The following LRFN3 variants were observed in gnomAD, a reference collection of about 807,000 sequenced individuals.
LRFN3 encodes leucine-rich repeat and fibronectin type-III domain-containing protein 3.
Under a neutral mutation model 23.8 loss-of-function variants are expected in LRFN3, and 8 were observed. That is an observed-to-expected ratio of 0.34 (90% CI 0.20 to 0.61). The LOEUF is 0.61. Among genes scored for constraint, LRFN3 ranks in the 20% least tolerant of loss-of-function variants. LRFN3 has a pLI of 0.80. For synonymous variants in LRFN3, 451 were observed against 450.6 expected (o/e 1.00, Z -0.01); for missense variants, 736 against 935.3 (o/e 0.79, Z 2.78).
Position 35,944,424 on chromosome 19 carries a change from T to C in LRFN3, c.1416-124T>C. 5.1e-6 allele frequency: 3 copies of C among 585,246 alleles called. No homozygotes were observed. Among genetic ancestry groups the C allele is most frequent in the South Asian group, 6.3e-5 (2 of 31,574 alleles). The allele number at this position is 585,246 out of a possible 1,614,324, so 36.3% of individuals were successfully genotyped here. A position where few individuals can be genotyped will look rare whatever the true frequency, so the allele number is the denominator to read the frequency against. On this transcript the variant is annotated intron_variant, in intron 2 of 2. Transcript: ENST00000246529. This position sits in a 1 kb window ranked among gnomAD's most constrained non-coding sequence, Gnocchi z 4.5. ...TGGGATGTTGGTGAGAGGGAGCTCATTGGGTAGAATGAAATGAAGGAGTGG... is the reference window on the plus strand; with the variant it reads ...TGGGATGTTGGTGAGAGGGAGCTCACTGGGTAGAATGAAATGAAGGAGTGG...
rs994171128 is a variant in LRFN3 at position 35,940,305 on chromosome 19, G to A, written c.880G>A (p.Glu294Lys). ...WAVGEEEFVCEPPVVTHRSPP... is the reference protein window; with the variant it reads ...WAVGEEEFVCKPPVVTHRSPP... ...GGTGGGCGAGGAGGAGTTTGTCTGC[G>A]AGCCGCCCGTGGTGACTCACCGCTC... Residue 294 changes from glutamate (E) to lysine (K), a missense_variant, in exon 2 of 3, where the codon GAG becomes AAG. Coordinates refer to ENST00000246529, the MANE Select transcript of LRFN3 (RefSeq NM_024509.2). The A allele has an allele frequency of 2.5e-6, 4 of 1,592,550 alleles. No individual in the cohort carries two copies. The highest frequency in any genetic ancestry group is 3.4e-6 in the Non-Finnish European group (4 of 1,173,354).
rs1284345697 is a variant in LRFN3, at chr19:35,936,425, C to G, written c.-1147C>G. ...GTTGCCGGCGAGGAGGCCGCGGGAG[C>G]GCCTGGACCCGGCCCGCCCAGCCCG... On this transcript the variant is annotated 5_prime_UTR_variant, in exon 1 of 3. Coordinates refer to ENST00000246529, the MANE Select transcript of LRFN3 (RefSeq NM_024509.2). Among the ~76,000 whole-genome samples the G allele has an allele frequency of 6.6e-6, 1 of 151,054 alleles. No individual in the cohort carries two copies. The highest frequency in any genetic ancestry group is 1.5e-5 in the Non-Finnish European group (1 of 67,670).
chr19:35,941,307 ATAAATT>A (rs1007268630), intron 2 of LRFN3, among the ~76,000 whole-genome samples: 12 of 152,214 alleles, frequency 7.9e-5, no homozygotes, highest in African/African-American at 2.9e-4. Context: ...GGGGATAAAA[ATAAATT>A]TAAGTTGTAA....
In LRFN3 at chr19:35,946,290, C is replaced by T. The variant is rs1269901805; in HGVS notation, c.*1271C>T. On this transcript the variant is annotated 3_prime_UTR_variant, in exon 3 of 3. Coordinates refer to ENST00000246529, the MANE Select transcript of LRFN3 (RefSeq NM_024509.2). ...ACTGACGCTGCTGGGGTTAAGACGG[C>T]TTCTTGTGGGGGATGATTCCAAGTC... Among the ~76,000 whole-genome samples the T allele has an allele frequency of 6.6e-6, 1 of 151,612 alleles. No homozygotes were observed. The highest frequency in any genetic ancestry group is 1.5e-5 in the Non-Finnish European group (1 of 67,940).
chr19:35,942,616 C>A (rs1020399418), intron 2 of LRFN3, among the ~76,000 whole-genome samples: 1 of 152,160 alleles, frequency 6.6e-6, no homozygotes, highest in Non-Finnish European at 1.5e-5. Context: ...TCCCTTGGGG[C>A]CAACACCTCA....
intron 2 of LRFN3, among the ~76,000 whole-genome samples, chr19:35,941,643 A>G (rs1976122987): frequency 1.3e-5 from 2 of 151,788 alleles, no homozygotes; most frequent in Admixed American, 1.3e-4. Context: ...ATCTCGGCTC[A>G]CTACAACCTC....
rs768565870 is a variant in LRFN3 at position 35,944,624 on chromosome 19, G to A, written c.1492G>A (p.Ala498Thr). 6.4e-6 allele frequency: 10 copies of A among 1,561,198 alleles called. No individual in the cohort carries two copies. Among genetic ancestry groups the A allele is most frequent in the East Asian group, 2.3e-5 (1 of 43,522 alleles). ...SGRTYDLCVL[A>T]VYEDSATGLT... ...CCGGACCTACGATCTGTGCGTGCTC[G>A]CCGTGTATGAGGACAGCGCCACGGG... The change falls in exon 3 of 3, where the codon GCC becomes ACC. Residue 498 changes from alanine to threonine, a missense_variant. Coordinates refer to ENST00000246529, the MANE Select transcript of LRFN3 (RefSeq NM_024509.2). The surrounding 1 kb of genome is among the most constrained non-coding windows in gnomAD (Gnocchi z 4.5).
rs900158869 is a variant in LRFN3 at position 35,944,411 on chromosome 19, G to T, written c.1416-137G>T. 33 of 544,530 alleles carry T rather than the reference G, an allele frequency of 6.1e-5. No individual in the cohort carries two copies. The highest frequency in any genetic ancestry group is 5.4e-4 in the African/African-American group (27 of 50,322). 33.7% of individuals were successfully genotyped at this position (544,530 alleles called of 1,614,324 possible). ...GACCAAAGGGAATTGGGATGTTGGT[G>T]AGAGGGAGCTCATTGGGTAGAATGA... On this transcript the variant is annotated intron_variant, in intron 2 of 2. Coordinates refer to ENST00000246529, the MANE Select transcript of LRFN3 (RefSeq NM_024509.2). This position sits in a 1 kb window ranked among gnomAD's most constrained non-coding sequence, Gnocchi z 4.5.
Position 35,944,998 on chromosome 19 carries a change from C to A in LRFN3, c.1866C>A (p.Gly622=). 7.2e-7 allele frequency: 1 copy of A among 1,394,754 alleles called. No individual in the cohort carries two copies. Among genetic ancestry groups the A allele is most frequent in the Admixed American group, 3.6e-5 (1 of 27,756 alleles). The allele number at this position is 1,394,754 out of a possible 1,614,324, so 86.4% of individuals were successfully genotyped here. A position where few individuals can be genotyped will look rare whatever the true frequency, so the allele number is the denominator to read the frequency against. The change falls in exon 3 of 3, where the codon GGC becomes GGA. Residue 622 remains glycine (G), a synonymous_variant. Transcript: ENST00000246529. The surrounding 1 kb of genome is among the most constrained non-coding windows in gnomAD (Gnocchi z 4.5). ...TGGACTGCGAGCCCTGGGGGCCCGG[C>A]CACGAACCTGTGGGACCCTAGCCAG... ...VQLDCEPWGP[G]HEPVGP
At position 35,936,973 on chromosome 19, in the gene LRFN3, C is replaced by T. The variant is rs1418542167; in HGVS notation, c.-599C>T. The T allele has an allele frequency of 2.0e-5, 3 of 152,274 alleles. No homozygotes were observed. Among genetic ancestry groups the T allele is most frequent in the Non-Finnish European group, 4.4e-5 (3 of 68,120 alleles). The allele number at this position is 152,274 out of a possible 1,614,324, so 9.4% of individuals were successfully genotyped here. A position where few individuals can be genotyped will look rare whatever the true frequency, so the allele number is the denominator to read the frequency against. On this transcript the variant is annotated 5_prime_UTR_variant, in exon 1 of 3. Coordinates refer to ENST00000246529, the MANE Select transcript of LRFN3 (RefSeq NM_024509.2). ...GAACCCCAAGATTTGACATCTAAAACCTCAAGCCTGGAGCTGAACTCTGAA... is the reference window on the plus strand; with the variant it reads ...GAACCCCAAGATTTGACATCTAAAATCTCAAGCCTGGAGCTGAACTCTGAA...
Position 35,939,714 on chromosome 19 carries a change from C to T in LRFN3, c.289C>T (p.His97Tyr). ...GAGCCTGTCGCGGAACACCATCCGCCACGTGGCTGCCGGCGCCTTCGCCGA... is the reference window on the plus strand; with the variant it reads ...GAGCCTGTCGCGGAACACCATCCGCTACGTGGCTGCCGGCGCCTTCGCCGA... ...HLSLSRNTIR[H>Y]VAAGAFADLR... The change falls in exon 2 of 3, where the codon CAC becomes TAC. Residue 97 changes from histidine (H) to tyrosine (Y), a missense_variant. Coordinates refer to ENST00000246529, the MANE Select transcript of LRFN3 (RefSeq NM_024509.2). The surrounding 1 kb of genome is among the most constrained non-coding windows in gnomAD (Gnocchi z 6.4). The T allele has an allele frequency of 6.2e-7, 1 of 1,604,366 alleles. No homozygotes were observed. Among genetic ancestry groups the T allele is most frequent in the Middle Eastern group, 1.7e-4 (1 of 6,050 alleles).
chr19:35,941,139 T>C (rs1243672389), intron 2 of LRFN3, among the ~76,000 whole-genome samples: 1 of 151,664 alleles, frequency 6.6e-6, no homozygotes, highest in Non-Finnish European at 1.5e-5. Context: ...GATCAAGCAA[T>C]AAGGATAAAC....
chr19:35,936,967 C>G lies in LRFN3; in HGVS notation c.-605C>G, dbSNP rs1167485819. 1 of 152,280 alleles carries G rather than the reference C, an allele frequency of 6.6e-6. No individual in the cohort carries two copies. The highest frequency in any genetic ancestry group is 2.4e-5 in the African/African-American group (1 of 41,450). 9.4% of individuals were successfully genotyped at this position (152,280 alleles called of 1,614,324 possible). A position where few individuals can be genotyped will look rare whatever the true frequency, so the allele number is the denominator to read the frequency against. On this transcript the variant is annotated 5_prime_UTR_variant, in exon 1 of 3. The change creates a new upstream start codon in the 5' untranslated region. Coordinates refer to ENST00000246529, the MANE Select transcript of LRFN3 (RefSeq NM_024509.2). Reference sequence around the variant, plus strand: ...GGAGCAGAACCCCAAGATTTGACATCTAAAACCTCAAGCCTGGAGCTGAAC... The same window carrying G: ...GGAGCAGAACCCCAAGATTTGACATGTAAAACCTCAAGCCTGGAGCTGAAC...
Position 35,944,647 on chromosome 19 carries a change from G to C in LRFN3, c.1515G>C (p.Thr505=), listed in dbSNP as rs762922188. The change falls in exon 3 of 3, where the codon ACG becomes ACC. Residue 505 remains threonine, a synonymous_variant. Transcript: ENST00000246529. This position sits in a 1 kb window ranked among gnomAD's most constrained non-coding sequence, Gnocchi z 4.5. The part of the protein sequence containing the change: ...CVLAVYEDSA[T]GLTATRPVGC... ...TCGCCGTGTATGAGGACAGCGCCACGGGGCTCACGGCCACGCGGCCTGTGG... is the reference window on the plus strand; with the variant it reads ...TCGCCGTGTATGAGGACAGCGCCACCGGGCTCACGGCCACGCGGCCTGTGG... 4.5e-5 allele frequency: 72 copies of C among 1,591,980 alleles called. No individual in the cohort carries two copies. Among genetic ancestry groups the C allele is most frequent in the Admixed American group, 3.8e-4 (22 of 57,912 alleles).
Position 35,939,069 on chromosome 19 carries a change from C to T in LRFN3, c.-16-341C>T, listed in dbSNP as rs1319295914. Among the ~76,000 whole-genome samples, 2 of 152,172 alleles carry T rather than the reference C, an allele frequency of 1.3e-5. No homozygotes were observed. The highest frequency in any genetic ancestry group is 4.8e-5 in the African/African-American group (2 of 41,438). On this transcript the variant is annotated intron_variant, in intron 1 of 2. Transcript: ENST00000246529. The surrounding 1 kb of genome is among the most constrained non-coding windows in gnomAD (Gnocchi z 6.4). ...AAATTCTTGGGCTCAAATTGATCCT[C>T]CCACCTCAGTGTCCCATGTAGCTAG...
chr19:35,944,809 A>G lies in LRFN3; in HGVS notation c.1677A>G (p.Leu559=), dbSNP rs1175072828. 3.1e-6 allele frequency: 5 copies of G among 1,610,436 alleles called. No homozygotes were observed. In the Middle Eastern group the frequency reaches 6.6e-4, roughly 213 times the overall value. ...TACTGGTCTTCATCTTCGTGCTGCT[A>G]ATGCGCTACAAGGTGCACGGCGGCC... is the stretch of plus-strand genomic sequence containing the variant. ...ASVLVFIFVL[L]MRYKVHGGQP... The change falls in exon 3 of 3, where the codon CTA becomes CTG. Residue 559 remains leucine, a synonymous_variant. Transcript: ENST00000246529. This position sits in a 1 kb window ranked among gnomAD's most constrained non-coding sequence, Gnocchi z 4.5.
Position 35,939,404 on chromosome 19 carries a change from C to T in LRFN3, c.-16-6C>T. 6.4e-7 allele frequency: 1 copy of T among 1,557,388 alleles called. No individual in the cohort carries two copies. On this transcript the variant is annotated splice_region_variant and splice_polypyrimidine_tract_variant and intron_variant, in intron 1 of 2. Coordinates refer to ENST00000246529, the MANE Select transcript of LRFN3 (RefSeq NM_024509.2). The surrounding 1 kb of genome is among the most constrained non-coding windows in gnomAD (Gnocchi z 6.4). Reference sequence around the variant, plus strand: ...TCTGCCCTCACGCCTCCCCTCTTCTCCGCAGGACACCCCTGCCCGCGATGG... The same window carrying T: ...TCTGCCCTCACGCCTCCCCTCTTCTTCGCAGGACACCCCTGCCCGCGATGG...
Position 35,944,656 on chromosome 19 carries a change from G to A in LRFN3, c.1524G>A (p.Thr508=), listed in dbSNP as rs761353003. ...AVYEDSATGL[T]ATRPVGCARF... ...ATGAGGACAGCGCCACGGGGCTCAC[G>A]GCCACGCGGCCTGTGGGCTGCGCCC... is the stretch of plus-strand genomic sequence containing the variant. Residue 508 remains threonine (T), a synonymous_variant, in exon 3 of 3, where the codon ACG becomes ACA. Transcript: ENST00000246529. The surrounding 1 kb of genome is among the most constrained non-coding windows in gnomAD (Gnocchi z 4.5). 1.9e-6 allele frequency: 3 copies of A among 1,594,742 alleles called. No individual in the cohort carries two copies. In the South Asian group the frequency reaches 3.4e-5, roughly 18 times the overall value.
Position 35,940,459 on chromosome 19 carries a change from C to T in LRFN3, c.1034C>T (p.Ala345Val). 6.2e-7 allele frequency: 1 copy of T among 1,608,608 alleles called. No homozygotes were observed. The highest frequency in any genetic ancestry group is 1.1e-5 in the South Asian group (1 of 90,750). Residue 345 changes from alanine to valine, a missense_variant, in exon 2 of 3, where the codon GCC (alanine) becomes GTC (valine). By Grantham distance (64) the Ala-to-Val change is moderately conservative. Coordinates refer to ENST00000246529, the MANE Select transcript of LRFN3 (RefSeq NM_024509.2). ...RLLGNSSRAR[A>V]FPNGTLELLV... is the part of the protein sequence containing the mutation. ...CTAGGCAACTCAAGCCGTGCCCGCG[C>T]CTTCCCCAATGGGACGCTGGAGCTG...
Sources: allele counts gnomAD v4.1 joint callset (sites outside exome capture counted in the v4.1 genomes callset), GRCh38; gene constraint gnomAD v4.1.1; non-coding constraint Gnocchi (gnomAD v3.1); transcripts MANE v1.5; gene names NCBI Gene and HGNC (gene_info 2026-07-23, HGNC 2026-07-21).